SGCD: variants seen among roughly 807,000 people sequenced by gnomAD.
SGCD encodes the protein sarcoglycan delta.
Under a neutral mutation model 36.6 loss-of-function variants are expected in SGCD, and 18 were observed. The ratio of observed to expected loss-of-function variants is 0.49; its 90% confidence interval spans 0.34 to 0.73. The LOEUF (loss-of-function observed/expected upper bound fraction) is 0.73. SGCD is among the 30% of genes least tolerant of loss of function. The pLI, the probability that SGCD is intolerant of heterozygous loss-of-function variation, is 0.01. For missense variants in SGCD, 387 were observed against 346.7 expected, an observed-to-expected ratio of 1.12 and a Z score of -0.92; for synonymous variants, 133 against 130.6, an observed-to-expected ratio of 1.02 and a Z score of -0.12.
the SGCD span, among the ~76,000 whole-genome samples, chr5:155,827,699 A>G: frequency 2.1e-4 from 17 of 80,916 alleles, no homozygotes; most frequent in African/African-American, 8.4e-4. Context: ...TTTTTTTGAG[A>G]TGGAGTTTCA....
intron 3 of SGCD, among the ~76,000 whole-genome samples, chr5:156,426,476 C>T (rs374089455): frequency 6.6e-6 from 1 of 151,972 alleles, no homozygotes; most frequent in African/African-American, 2.4e-5. Flanking sequence ...AATCCCTTGT[C>T]GGATGCATTG....
chr5:156,344,663 A>C lies in SGCD; in HGVS notation c.178A>C (p.Met60Leu). 1 of 1,603,144 alleles carries C rather than the reference A, an allele frequency of 6.2e-7. No individual in the cohort carries two copies. Among genetic ancestry groups the C allele is most frequent in the Non-Finnish European group, 8.5e-7 (1 of 1,175,108 alleles). ...CATGACCATCTGGATTCTCAAAGTC[A>C]TGAACTTCACAATTGTAAGTAAAAC... ...LAMTIWILKV[M>L]NFTIDGMGNL... The change falls in exon 3 of 9, where the codon ATG becomes CTG. Residue 60 changes from methionine to leucine, a missense_variant. Coordinates refer to ENST00000337851, the MANE Select transcript of SGCD (RefSeq NM_000337.6).
intron 6 of SGCD, among the ~76,000 whole-genome samples, chr5:156,618,657 C>T (rs960200536): frequency 6.6e-6 from 1 of 151,228 alleles, no homozygotes; most frequent in South Asian, 2.1e-4. Context: ...TAGTAGCGCG[C>T]ATTCACCCAC....
chr5:156,683,794 C>G (rs764456397), intron 7 of SGCD, among the ~76,000 whole-genome samples: 1 of 152,164 alleles, frequency 6.6e-6, no homozygotes, highest in African/African-American at 2.4e-5. Flanking sequence ...AAAGACAAAT[C>G]ATAATTGATT....
intron 3 of SGCD, among the ~76,000 whole-genome samples, chr5:156,193,934 C>T (rs1581160702): frequency 1.3e-5 from 2 of 152,142 alleles, no homozygotes; most frequent in Non-Finnish European, 2.9e-5. Context: ...CTCAAGAAAC[C>T]ACTTCTATCA....
At chr5:156,374,373 C>A (rs556012265) in intron 3 of SGCD, among the ~76,000 whole-genome samples, 1 of 152,092 alleles carries the variant, frequency 6.6e-6, no homozygotes, top group Admixed American at 6.5e-5. Context: ...TATAGCATAA[C>A]GCAAAAGTAA....
At chr5:156,268,401 A>G (rs1032376150) in intron 3 of SGCD, among the ~76,000 whole-genome samples, 2 of 152,190 alleles carry the variant, frequency 1.3e-5, no homozygotes, top group Admixed American at 6.5e-5. Flanking sequence ...GCTTTACACA[A>G]TGGTTGAACT....
chr5:156,038,893 T>G (rs1366516452), intron 1 of SGCD, among the ~76,000 whole-genome samples: 1 of 152,192 alleles, frequency 6.6e-6, no homozygotes, highest in Non-Finnish European at 1.5e-5. Flanking sequence ...TGGTATATAT[T>G]AGGTAAAAGG....
chr5:155,761,887 C>G, the SGCD span, among the ~76,000 whole-genome samples: 1 of 152,150 alleles, frequency 6.6e-6, no homozygotes, highest in Non-Finnish European at 1.5e-5. Context: ...TCCCTATTGT[C>G]CTTACCGTTA....
At chr5:156,549,403 C>T (rs1758705333) in intron 4 of SGCD, among the ~76,000 whole-genome samples, 1 of 152,194 alleles carries the variant, frequency 6.6e-6, no homozygotes, top group Non-Finnish European at 1.5e-5. Context: ...TACTTGGCTG[C>T]AAATATCCAT....
At chr5:156,017,484 T>C (rs1197225258) in intron 1 of SGCD, among the ~76,000 whole-genome samples, 1 of 151,958 alleles carries the variant, frequency 6.6e-6, no homozygotes, top group African/African-American at 2.4e-5. Context: ...TTTACATTTA[T>C]TCAAGTTTTC....
At chr5:156,000,920 G>A (rs949522789) in intron 1 of SGCD, among the ~76,000 whole-genome samples, 3 of 152,054 alleles carry the variant, frequency 2.0e-5, no homozygotes, top group Non-Finnish European at 4.4e-5. Flanking sequence ...GCTGATCCAG[G>A]GACCACACTT....
the SGCD span, among the ~76,000 whole-genome samples, chr5:155,847,086 C>T: frequency 1.6e-4 from 24 of 152,278 alleles, no homozygotes; most frequent in African/African-American, 5.5e-4. Flanking sequence ...TTCCTTGACT[C>T]CTTACCATGT....
At chr5:156,020,088 T>C (rs1260403566) in intron 1 of SGCD, among the ~76,000 whole-genome samples, 1 of 152,242 alleles carries the variant, frequency 6.6e-6, no homozygotes, top group East Asian at 1.9e-4. Flanking sequence ...CTGTAAAACA[T>C]TTCCTGATCC....
At chr5:156,170,626 G>T (rs1296711012) in intron 3 of SGCD, among the ~76,000 whole-genome samples, 1 of 152,174 alleles carries the variant, frequency 6.6e-6, no homozygotes, top group Non-Finnish European at 1.5e-5. Context: ...ATCAAAGGGT[G>T]CCGGGAAGCC....
intron 3 of SGCD, among the ~76,000 whole-genome samples, chr5:156,429,357 C>G (rs1773827202): frequency 6.7e-6 from 1 of 148,984 alleles, no homozygotes; most frequent in Non-Finnish European, 1.5e-5. Context: ...TTCCGTTTGC[C>G]TAGAATATCT....
intron 3 of SGCD, among the ~76,000 whole-genome samples, chr5:156,347,341 C>T (rs1351335391): frequency 5.3e-5 from 8 of 152,148 alleles, no homozygotes. Context: ...ATTTCAAAAA[C>T]TTATAAATTA....
At chr5:155,937,265 C>A (rs903969782) in intron 1 of SGCD, among the ~76,000 whole-genome samples, 2 of 152,222 alleles carry the variant, frequency 1.3e-5, no homozygotes, top group Non-Finnish European at 2.9e-5. Flanking sequence ...CAAGCCATGC[C>A]TCCCCCACTG....
chr5:155,857,227 A>T, the SGCD span, among the ~76,000 whole-genome samples: 1 of 152,142 alleles, frequency 6.6e-6, no homozygotes, highest in South Asian at 2.1e-4. Flanking sequence ...ACAGCGCAAG[A>T]CTCCATCTCA....
Sources: gnomAD v4.1 joint callset for allele counts (sites outside exome capture counted in the v4.1 genomes callset) on GRCh38, gnomAD v4.1.1 for gene constraint, MANE v1.5 for transcripts, NCBI Gene and HGNC (gene_info 2026-07-23, HGNC 2026-07-21) for gene names.